The following FRYL variants were observed in gnomAD, a reference collection of about 807,000 sequenced individuals.
FRYL encodes the protein FRY like transcription coactivator.
Under a neutral mutation model 351.2 loss-of-function variants are expected in FRYL, and 150 were observed. The ratio of observed to expected loss-of-function variants is 0.43; its 90% CI spans 0.37 to 0.49. The LOEUF (loss-of-function observed/expected upper bound fraction) is 0.49. Ranked by LOEUF, FRYL falls within the 20% of genes least tolerant of loss-of-function variation. FRYL has a pLI of 0.00. For missense variants in FRYL, 3,036 were observed against 3,619.3 expected (o/e 0.84, Z 4.13); for synonymous variants, 1,153 against 1,257.1 (o/e 0.92, Z 1.75).
At chr4:48,699,841 T>C (rs1489144422) in intron 2 of FRYL, among the ~76,000 whole-genome samples, 2 of 152,200 alleles carry the variant, frequency 1.3e-5, no homozygotes, top group African/African-American at 2.4e-5. Context: ...CTTTTGAATA[T>C]TGTCTACAGA....
chr4:48,574,966 GT>G, intron 25 of FRYL, 150 bp downstream of exon 25: 1 of 535,244 alleles, frequency 1.9e-6, no homozygotes, highest in Non-Finnish European at 3.3e-6. Flanking sequence ...CATGTTAAAT[GT>G]TACATGGCTA....
intron 7 of FRYL, chr4:48,619,000 C>T (rs1333653150): frequency 9.9e-6 from 3 of 302,792 alleles, no homozygotes; most frequent in Non-Finnish European, 1.8e-5. Context: ...ACATTTACAG[C>T]TAAAGGTCAA....
Position 48,527,542 on chromosome 4 carries a change from T to C in FRYL, c.7252A>G (p.Ser2418Gly), listed in dbSNP as rs745843313. 2.5e-6 allele frequency: 4 copies of C among 1,613,244 alleles called. No homozygotes were observed. The highest frequency in any genetic ancestry group is 3.4e-6 in the Non-Finnish European group (4 of 1,179,402). Reference protein sequence around the residue: ...EEEVAVEDNSSEQQFGVFKDF... With the variant: ...EEEVAVEDNSGEQQFGVFKDF... ...TTAAAAACACCAAACTGTTGTTCAC[T>C]GCTATTATCTTCCACAGCTACTTCT... Residue 2418 changes from serine (S) to glycine (G), a missense_variant, in exon 53 of 64, where the codon AGT becomes GGT. Ser to Gly is a moderately conservative substitution (Grantham distance 56, BLOSUM62 0). This residue lies in a region of FRYL where 1,987 missense variants were observed against 2,311.7 expected (regional missense o/e 0.86). Coordinates refer to ENST00000358350, the MANE Select transcript of FRYL (RefSeq NM_015030.2).
intron 1 of FRYL, among the ~76,000 whole-genome samples, chr4:48,736,994 A>G (rs966938550): frequency 4.0e-5 from 6 of 151,782 alleles, no homozygotes; most frequent in African/African-American, 1.5e-4. Context: ...GAAATGAAAG[A>G]GGTGGCCGGG....
At chr4:48,566,002 G>A (rs192634360) in intron 28 of FRYL, among the ~76,000 whole-genome samples, 2 of 152,300 alleles carry the variant, frequency 1.3e-5, no homozygotes, top group Admixed American at 1.3e-4. Context: ...TTCTCCCTGG[G>A]CTATCACTGG....
chr4:48,588,480 T>C (rs1742596290), intron 18 of FRYL, among the ~76,000 whole-genome samples: 1 of 152,146 alleles, frequency 6.6e-6, no homozygotes, highest in Admixed American at 6.5e-5. Flanking sequence ...TATGGATACC[T>C]AGATGCAGGC....
intron 1 of FRYL, among the ~76,000 whole-genome samples, chr4:48,714,296 A>G (rs888659682): frequency 6.7e-6 from 1 of 148,382 alleles, no homozygotes; most frequent in African/African-American, 2.4e-5. Context: ...GGAAATAGAG[A>G]CACAAAAAAC....
At chr4:48,701,081 A>G (rs1766666559) in intron 2 of FRYL, among the ~76,000 whole-genome samples, 1 of 152,210 alleles carries the variant, frequency 6.6e-6, no homozygotes, top group South Asian at 2.1e-4. Context: ...TATTATTGAA[A>G]CACCAAAACT....
intron 5 of FRYL, among the ~76,000 whole-genome samples, chr4:48,622,148 T>C (rs1750773523): frequency 6.6e-6 from 1 of 152,192 alleles, no homozygotes; most frequent in Non-Finnish European, 1.5e-5. Flanking sequence ...TTATAGTTTA[T>C]TAATCATTTA....
At chr4:48,552,908 GTTC>G (rs1364896904) in intron 36 of FRYL, among the ~76,000 whole-genome samples, 1 of 151,906 alleles carries the variant, frequency 6.6e-6, no homozygotes, top group Non-Finnish European at 1.5e-5. Flanking sequence ...TTCATTGGAT[GTTC>G]TTCTATTAGG....
At chr4:48,658,162 T>TTAC (rs397791039) in intron 3 of FRYL, among the ~76,000 whole-genome samples, 3 of 151,952 alleles carry the variant, frequency 2.0e-5, no homozygotes, top group African/African-American at 7.3e-5. Flanking sequence ...ACTAGAAATA[T>TTAC]GCAATTGATG....
intron 1 of FRYL, among the ~76,000 whole-genome samples, chr4:48,766,264 A>G (rs1774939150): frequency 1.3e-5 from 2 of 152,138 alleles, no homozygotes; most frequent in Admixed American, 1.3e-4. Flanking sequence ...GATGGCTACA[A>G]TCTCTGTTCC....
intron 2 of FRYL, among the ~76,000 whole-genome samples, chr4:48,707,795 T>C (rs775705422): frequency 3.3e-5 from 5 of 151,852 alleles, no homozygotes; most frequent in Non-Finnish European, 7.4e-5. Context: ...TTCTCCCAAA[T>C]TTGTTTCAAA....
In FRYL at chr4:48,580,810, G is replaced by GT. The variant is rs767208603; in HGVS notation, c.2259+54dup. On this transcript the variant is annotated intron_variant, in intron 22 of 63. Coordinates refer to ENST00000358350, the MANE Select transcript of FRYL (RefSeq NM_015030.2). ...TATGCACATGTACATGTATACATAT[G>GT]TGTCTGTCATAAGTCTCAAAACAAG... The GT allele has an allele frequency of 2.9e-5, 31 of 1,065,320 alleles. No homozygotes were observed. The African/African-American group carries it at 4.6e-4, about 16-fold the overall frequency. 66.0% of individuals were successfully genotyped at this position (1,065,320 alleles called of 1,614,324 possible). A position where few individuals can be genotyped will look rare whatever the true frequency, so the allele number is the denominator to read the frequency against.
Position 48,528,176 on chromosome 4 carries a change from T to C in FRYL, c.7064A>G (p.Gln2355Arg). ...TCCATTTTGATATTCTTTATGTACCTGTGATAACTGTGGCCTTTTCCAACT... is the reference window on the plus strand; with the variant it reads ...TCCATTTTGATATTCTTTATGTACCCGTGATAACTGTGGCCTTTTCCAACT... ...PVSWKRPQLS[Q>R]RRTREKLMNV... is the part of the protein sequence containing the mutation. Residue 2355 changes from glutamine (Q) to arginine (R), a missense_variant and splice_region_variant, in exon 51 of 64, where the codon CAG (glutamine) becomes CGG (arginine). By Grantham distance (43) the Gln-to-Arg change is conservative. Transcript: ENST00000358350. 6.2e-7 allele frequency: 1 copy of C among 1,611,884 alleles called. No homozygotes were observed. The highest frequency in any genetic ancestry group is 8.5e-7 in the Non-Finnish European group (1 of 1,178,482).
intron 44 of FRYL, 38 bp downstream of exon 44, chr4:48,543,769 A>G: frequency 6.4e-7 from 1 of 1,564,822 alleles, no homozygotes; most frequent in Non-Finnish European, 8.7e-7. Flanking sequence ...GACAACTAGT[A>G]GCTGCTCAAT....
chr4:48,652,702 T>C (rs1560791432), intron 3 of FRYL, among the ~76,000 whole-genome samples: 2 of 152,340 alleles, frequency 1.3e-5, no homozygotes, highest in South Asian at 2.1e-4. Context: ...CTCATGTCAA[T>C]ATTTTCACTT....
intron 3 of FRYL, among the ~76,000 whole-genome samples, chr4:48,649,351 A>G (rs1757188580): frequency 6.6e-6 from 1 of 152,246 alleles, no homozygotes; most frequent in South Asian, 2.1e-4. Flanking sequence ...TCTTATTCAC[A>G]TTTTAACTTA....
intron 3 of FRYL, chr4:48,638,357 G>A (rs1340568981): frequency 6.6e-6 from 1 of 151,986 alleles, no homozygotes; most frequent in Admixed American, 6.6e-5. Flanking sequence ...GAAGGTAAAG[G>A]CTTTGGAACA....
Sources: allele counts gnomAD v4.1 joint callset (sites outside exome capture counted in the v4.1 genomes callset), GRCh38; gene constraint gnomAD v4.1.1; regional missense constraint gnomAD v4.1.1; transcripts MANE v1.5; gene names NCBI Gene and HGNC (gene_info 2026-07-23, HGNC 2026-07-21).